The following LUZP2 variants were observed in gnomAD, a reference collection of about 807,000 sequenced individuals.
LUZP2 encodes the protein leucine zipper protein 2.
LUZP2 carries 52 observed loss-of-function variants against 51.6 expected under a neutral mutation model. The observed-to-expected ratio is 1.01, with a 90% confidence interval of 0.81 to 1.27. The LOEUF (loss-of-function observed/expected upper bound fraction) is 1.27. LUZP2 is among the 50% of genes most tolerant of loss of function. The pLI is 0.00. For missense variants in LUZP2, 436 were observed against 395.4 expected (o/e 1.10, Z -0.87); for synonymous variants, 154 against 137.3 (o/e 1.12, Z -0.85).
chr11:24,524,842 C>T (rs1850748018), intron 1 of LUZP2, among the ~76,000 whole-genome samples: 1 of 151,602 alleles, frequency 6.6e-6, no homozygotes, highest in Non-Finnish European at 1.5e-5. Flanking sequence ...TCCACTTCCT[C>T]TCTGTAAGTT....
At chr11:24,713,987 T>C (rs1268088689) in intron 1 of LUZP2, among the ~76,000 whole-genome samples, 3 of 150,228 alleles carry the variant, frequency 2.0e-5, no homozygotes, top group African/African-American at 7.4e-5. Flanking sequence ...TGAGCCACCA[T>C]GCCTGGCCAA....
At chr11:24,708,490 A>T (rs1857689736) in intron 1 of LUZP2, among the ~76,000 whole-genome samples, 1 of 152,130 alleles carries the variant, frequency 6.6e-6, no homozygotes, top group African/African-American at 2.4e-5. Flanking sequence ...CGAAAAGCAG[A>T]TTCTTCAGTT....
intron 5 of LUZP2, among the ~76,000 whole-genome samples, chr11:24,835,497 T>G (rs2129360): frequency 0.93 from 141,170 of 152,184 alleles, 66,174 homozygotes; most frequent in East Asian, 1. Context: ...CACAGCAAAA[T>G]AAACTAGCAT....
chr11:25,068,568 G>T (rs553867045), intron 10 of LUZP2, among the ~76,000 whole-genome samples: 2 of 152,020 alleles, frequency 1.3e-5, no homozygotes, highest in East Asian at 1.9e-4. Flanking sequence ...CAATTCTTTC[G>T]CTGGAGGAAG....
chr11:24,838,395 A>G (rs1850920321), intron 5 of LUZP2, among the ~76,000 whole-genome samples: 1 of 151,688 alleles, frequency 6.6e-6, no homozygotes, highest in Non-Finnish European at 1.5e-5. Flanking sequence ...TTAGACTCAA[A>G]TAAGTCACTT....
chr11:24,516,316 C>T (rs879055821), intron 1 of LUZP2, among the ~76,000 whole-genome samples: 1 of 152,140 alleles, frequency 6.6e-6, no homozygotes, highest in Admixed American at 6.5e-5. Flanking sequence ...TCTATGACCA[C>T]TTGTCAATCT....
intron 1 of LUZP2, among the ~76,000 whole-genome samples, chr11:24,623,084 G>C (rs957092699): frequency 2.0e-5 from 3 of 151,972 alleles, no homozygotes; most frequent in Admixed American, 2.0e-4. Flanking sequence ...TAAAGAGAGA[G>C]AGAGAGAAAA....
chr11:24,845,773 G>A (rs949844211), intron 5 of LUZP2, among the ~76,000 whole-genome samples: 1 of 151,932 alleles, frequency 6.6e-6, no homozygotes, highest in Non-Finnish European at 1.5e-5. Context: ...CGCCATTCAT[G>A]TAAGACATGA....
At chr11:24,981,444 G>C (rs1419219041) in intron 8 of LUZP2, among the ~76,000 whole-genome samples, 1 of 151,622 alleles carries the variant, frequency 6.6e-6, no homozygotes, top group Non-Finnish European at 1.5e-5. Context: ...AGGTTTTGGG[G>C]GTTTTGGCTG....
At chr11:24,591,210 G>C (rs1291600329) in intron 1 of LUZP2, among the ~76,000 whole-genome samples, 2 of 152,140 alleles carry the variant, frequency 1.3e-5, no homozygotes, top group African/African-American at 4.8e-5. Flanking sequence ...AAACATCCAA[G>C]TGGGTAAAAA....
At chr11:25,010,260 A>G (rs987581545) in intron 9 of LUZP2, among the ~76,000 whole-genome samples, 3 of 152,208 alleles carry the variant, frequency 2.0e-5, no homozygotes, top group African/African-American at 7.2e-5. Flanking sequence ...TAAGTGTATT[A>G]ATAACATTGC....
intron 5 of LUZP2, among the ~76,000 whole-genome samples, chr11:24,820,553 G>A (rs974711408): frequency 2.0e-5 from 3 of 152,164 alleles, no homozygotes; most frequent in African/African-American, 7.2e-5. Context: ...TGGATTAAGG[G>A]GAACAGAAAC....
At chr11:24,610,064 A>G (rs2133885165) in intron 1 of LUZP2, among the ~76,000 whole-genome samples, 1 of 152,358 alleles carries the variant, frequency 6.6e-6, no homozygotes, top group East Asian at 1.9e-4. Context: ...AGTCAAAGAA[A>G]CAATCACTCA....
intron 5 of LUZP2, among the ~76,000 whole-genome samples, chr11:24,898,128 C>G (rs1228299300): frequency 3.3e-5 from 5 of 152,002 alleles, no homozygotes; most frequent in African/African-American, 1.2e-4. Flanking sequence ...AACTCCTATT[C>G]ATACACTTTT....
At chr11:24,866,170 T>C (rs1227862341) in intron 5 of LUZP2, among the ~76,000 whole-genome samples, 1 of 3,522 alleles carries the variant, frequency 2.8e-4, no homozygotes, top group Non-Finnish European at 0.05. Context: ...ATTTAATTTC[T>C]TTTTAATTGT....
intron 5 of LUZP2, among the ~76,000 whole-genome samples, chr11:24,887,866 A>C (rs2133750463): frequency 6.6e-6 from 1 of 152,294 alleles, no homozygotes; most frequent in East Asian, 1.9e-4. Flanking sequence ...AGTTTTAGGA[A>C]GTTCCAAAAT....
intron 9 of LUZP2, among the ~76,000 whole-genome samples, chr11:25,049,692 A>G (rs1163731690): frequency 2.0e-5 from 3 of 152,146 alleles, no homozygotes; most frequent in African/African-American, 7.2e-5. Context: ...GGGTTAAAAT[A>G]AAAAGAAAGG....
intron 1 of LUZP2, among the ~76,000 whole-genome samples, chr11:24,702,108 T>C (rs1480105097): frequency 6.6e-6 from 1 of 152,164 alleles, no homozygotes; most frequent in Non-Finnish European, 1.5e-5. Flanking sequence ...AAAATCTGAG[T>C]ATGTAGTGTA....
intron 1 of LUZP2, among the ~76,000 whole-genome samples, chr11:24,713,683 G>GTTTTTT (rs374748977): frequency 6.7e-5 from 6 of 89,682 alleles, no homozygotes; most frequent in East Asian, 3.8e-4. Context: ...GTGAGAATCT[G>GTTTTTT]TTTTTTTTTT....
Sources: gnomAD v4.1 joint callset for allele counts (sites outside exome capture counted in the v4.1 genomes callset) on GRCh38, gnomAD v4.1.1 for gene constraint, MANE v1.5 for transcripts, NCBI Gene and HGNC (gene_info 2026-07-23, HGNC 2026-07-21) for gene names.